Variants in TOMM7 observed in about 807,000 individuals in gnomAD.
The protein encoded by TOMM7 is mitochondrial import receptor subunit TOM7 homolog.
In TOMM7, 8 loss-of-function variants were observed where a neutral mutation model predicts 9.5. The observed-to-expected ratio is 0.84, with a 90% CI of 0.49 to 1.51. TOMM7 has a LOEUF of 1.51. Ranked by LOEUF, TOMM7 falls within the 40% of genes most tolerant of loss-of-function variation. The pLI is 0.00. For missense variants in TOMM7, 74 were observed against 63.7 expected, an observed-to-expected ratio of 1.16 and a Z score of -0.55; for synonymous variants, 27 against 21.4, an observed-to-expected ratio of 1.26 and a Z score of -0.72.
intron 2 of TOMM7, among the ~76,000 whole-genome samples, chr7:22,813,478 T>C (rs898246795): frequency 6.6e-6 from 1 of 152,278 alleles, no homozygotes; most frequent in East Asian, 1.9e-4. Flanking sequence ...CATTAACAGG[T>C]AGGCCTGATA....
chr7:22,816,193 G>A (rs570942762), intron 2 of TOMM7, among the ~76,000 whole-genome samples: 84 of 152,288 alleles, frequency 5.5e-4, no homozygotes, highest in African/African-American at 2.0e-3. Flanking sequence ...AATATTCAAT[G>A]CTCATGGCTA....
intron 2 of TOMM7, among the ~76,000 whole-genome samples, chr7:22,817,079 A>T (rs1782325816): frequency 6.6e-6 from 1 of 152,098 alleles, no homozygotes; most frequent in African/African-American, 2.4e-5. Flanking sequence ...AGACAGGATC[A>T]AGGAGAAATC....
intron 1 of TOMM7, among the ~76,000 whole-genome samples, chr7:22,820,857 T>A (rs539328061): frequency 6.6e-6 from 1 of 152,196 alleles, no homozygotes; most frequent in South Asian, 2.1e-4. Flanking sequence ...CTTTTTAAGT[T>A]CTATAATCCC....
At chr7:22,818,545 T>C (rs934195269) in intron 1 of TOMM7, among the ~76,000 whole-genome samples, 30 of 152,350 alleles carry the variant, frequency 2.0e-4, no homozygotes, top group Admixed American at 5.2e-4. Context: ...CTTTCCAAAG[T>C]GCTGGGATTA....
chr7:22,818,137 T>C, intron 1 of TOMM7, 89 bp from the exon 2 acceptor site: 1 of 1,275,056 alleles, frequency 7.8e-7, no homozygotes, highest in South Asian at 1.2e-5. Flanking sequence ...TTCTTTGTAA[T>C]CCAACCTAGG....
At chr7:22,821,313 G>A (rs1314777367) in intron 1 of TOMM7, among the ~76,000 whole-genome samples, 1 of 152,036 alleles carries the variant, frequency 6.6e-6, no homozygotes, top group Non-Finnish European at 1.5e-5. Context: ...GGGAGGCTGA[G>A]GCAGGAGAAT....
intron 2 of TOMM7, among the ~76,000 whole-genome samples, chr7:22,816,730 G>A (rs1435127656): frequency 6.6e-6 from 1 of 152,164 alleles, no homozygotes; most frequent in East Asian, 1.9e-4. Context: ...ATGTGGTGGA[G>A]GAAATTCATA....
At chr7:22,820,970 AAGC>A (rs1782380305) in intron 1 of TOMM7, among the ~76,000 whole-genome samples, 1 of 152,186 alleles carries the variant, frequency 6.6e-6, no homozygotes, top group African/African-American at 2.4e-5. Context: ...ATTAAATAGG[AAGC>A]AGCACCTTGT....
At chr7:22,817,798 C>A in intron 2 of TOMM7, 1 of 496,480 alleles carries the variant, frequency 2.0e-6, no homozygotes, top group Non-Finnish European at 3.7e-6. Context: ...TTAAAATATG[C>A]TTCATTGTAG....
intron 2 of TOMM7, among the ~76,000 whole-genome samples, chr7:22,816,586 A>C (rs1782319823): frequency 6.6e-6 from 1 of 152,244 alleles, no homozygotes; most frequent in African/African-American, 2.4e-5. Flanking sequence ...GTAGTGTGTG[A>C]AGATCATTTG....
At chr7:22,814,874 A>G (rs1261827839) in intron 2 of TOMM7, among the ~76,000 whole-genome samples, 1 of 152,254 alleles carries the variant, frequency 6.6e-6, no homozygotes, top group Non-Finnish European at 1.5e-5. Flanking sequence ...AAATATATGT[A>G]GAAACAACAG....
At chr7:22,817,462 T>C (rs1782331331) in intron 2 of TOMM7, 1 of 212,626 alleles carries the variant, frequency 4.7e-6, no homozygotes, top group Non-Finnish European at 1.0e-5. Context: ...AGGCTGGTCT[T>C]GAACTCCTAG....
At position 22,817,641 on chromosome 7, in the gene TOMM7, T is replaced by A. The variant is rs142303338; in HGVS notation, c.152+359A>T. On this transcript the variant is annotated intron_variant, in intron 2 of 2. Coordinates refer to ENST00000358435, the MANE Select transcript of TOMM7 (RefSeq NM_019059.5). Reference sequence around the variant, plus strand: ...CTGGAAAACATATGGGACAGCCAACTAAAATTTTAGGTGAAAACAAAATCC... The same window carrying A: ...CTGGAAAACATATGGGACAGCCAACAAAAATTTTAGGTGAAAACAAAATCC... 8.0e-5 allele frequency: 15 copies of A among 187,140 alleles called. No individual in the cohort carries two copies. The East Asian group carries it at 2.3e-3, about 29-fold the overall frequency. The allele number at this position is 187,140 out of a possible 1,614,324, so 11.6% of individuals were successfully genotyped here. A position where few individuals can be genotyped will look rare whatever the true frequency, so the allele number is the denominator to read the frequency against.
intron 1 of TOMM7, chr7:22,822,156 G>A: frequency 1.3e-6 from 2 of 1,550,474 alleles, no homozygotes; most frequent in Non-Finnish European, 1.7e-6. Flanking sequence ...TTCCTCACCT[G>A]TAAAATGGGG....
chr7:22,813,236 T>A, intron 2 of TOMM7, 51 bp from the exon 3 acceptor site: 14 of 1,567,452 alleles, frequency 8.9e-6, no homozygotes, highest in Non-Finnish European at 1.2e-5. Context: ...AATAAAAATC[T>A]TCTAGACATA....
chr7:22,817,264 A>G (rs1782328636), intron 2 of TOMM7: 1 of 153,176 alleles, frequency 6.5e-6, no homozygotes, highest in Admixed American at 6.5e-5. Context: ...AGTTTTCACA[A>G]GTGTTTACAC....
chr7:22,818,616 C>T (rs542598797), intron 1 of TOMM7, among the ~76,000 whole-genome samples: 108 of 152,094 alleles, frequency 7.1e-4, no homozygotes, highest in African/African-American at 2.4e-3. Context: ...CCACTGCACA[C>T]GGCCATTATT....
intron 1 of TOMM7, 162 bp from the exon 2 acceptor site, chr7:22,818,210 C>G (rs1782341636): frequency 1.7e-6 from 1 of 603,528 alleles, no homozygotes. Flanking sequence ...ACAGAAGTCT[C>G]CAATCTTCAT....
chr7:22,821,989 G>A (rs1782399341), intron 1 of TOMM7, among the ~76,000 whole-genome samples: 1 of 152,094 alleles, frequency 6.6e-6, no homozygotes, highest in Non-Finnish European at 1.5e-5. Flanking sequence ...GACAGAGCGA[G>A]ACTCTGTCTT....
Sources: gnomAD v4.1 joint callset for allele counts (sites outside exome capture counted in the v4.1 genomes callset) on GRCh38, gnomAD v4.1.1 for gene constraint, MANE v1.5 for transcripts, NCBI Gene and HGNC (gene_info 2026-07-23, HGNC 2026-07-21) for gene names.